Variants in UTY observed in about 807,000 individuals in gnomAD.
The protein encoded by UTY is ubiquitously transcribed tetratricopeptide repeat containing, Y-linked, also known as histone demethylase UTY.
A neutral mutation model predicts 32.5 loss-of-function variants in UTY; 12 were observed. The ratio of observed to expected loss-of-function variants is 0.37; its 90% CI spans 0.24 to 0.60. The LOEUF is 0.60. Among genes scored for constraint, UTY ranks in the 20% least tolerant of loss-of-function variants. UTY has a pLI of 0.69. For synonymous variants in UTY, 131 were observed against 103.4 expected (o/e 1.27, Z -1.62); for missense variants, 303 against 299.2 (o/e 1.01, Z -0.09).
chrY:13,425,547 A>G (rs2073137338), intron 4 of UTY, among the ~76,000 whole-genome samples: 1 of 34,150 alleles, frequency 2.9e-5, no homozygotes, highest in Non-Finnish European at 7.3e-5. Context: ...CACAATATGC[A>G]GTAAGGTCCA....
At chrY:13,347,844 G>A in intron 17 of UTY, among the ~76,000 whole-genome samples, 1 of 33,165 alleles carries the variant, frequency 3.0e-5, no homozygotes, top group Admixed American at 2.7e-4. Flanking sequence ...TCCAGTCTTT[G>A]ATTGTCCCGC....
chrY:13,380,061 GTA>G (rs1204552573), intron 8 of UTY, among the ~76,000 whole-genome samples: 21 of 3,624 alleles, frequency 5.8e-3, no homozygotes, highest in African/African-American at 0.015. Context: ...GTGTGTGTGT[GTA>G]TATATATATA....
chrY:13,385,415 T>C, intron 8 of UTY, among the ~76,000 whole-genome samples: 1 of 33,557 alleles, frequency 3.0e-5, no homozygotes, highest in Non-Finnish European at 7.4e-5. Flanking sequence ...CATATATTTG[T>C]AGTACGTACT....
At chrY:13,469,234 C>T (rs2150300100) in intron 3 of UTY, among the ~76,000 whole-genome samples, 1 of 23,637 alleles carries the variant, frequency 4.2e-5, no homozygotes, top group African/African-American at 1.7e-4. Flanking sequence ...TTTTTTGAGA[C>T]GGAGCCTTGC....
chrY:13,351,523 A>AT (rs2062391682), intron 17 of UTY, among the ~76,000 whole-genome samples: 3 of 30,637 alleles, frequency 9.8e-5, no homozygotes, highest in African/African-American at 3.8e-4. Flanking sequence ...AATTCTCAAT[A>AT]TTTTTTTTTT....
At chrY:13,372,400 T>C in intron 8 of UTY, among the ~76,000 whole-genome samples, 1 of 33,092 alleles carries the variant, frequency 3.0e-5, no homozygotes, top group African/African-American at 1.2e-4. Context: ...AATATCCACA[T>C]TGAAAATAAT....
intron 27 of UTY, among the ~76,000 whole-genome samples, chrY:13,273,499 C>T: frequency 6.0e-5 from 2 of 33,298 alleles, no homozygotes; most frequent in Non-Finnish European, 1.5e-4. Flanking sequence ...CTCATGAAAA[C>T]GAAAAGTCAC....
chrY:13,430,971 A>G (rs956138253), intron 4 of UTY, among the ~76,000 whole-genome samples: 2 of 31,810 alleles, frequency 6.3e-5, no homozygotes, highest in Admixed American at 5.8e-4. Context: ...CAGCCTAAAA[A>G]CATGGCTATT....
intron 26 of UTY, among the ~76,000 whole-genome samples, chrY:13,298,233 T>C: frequency 3.0e-5 from 1 of 33,432 alleles, no homozygotes; most frequent in Non-Finnish European, 7.4e-5. Context: ...ATGGTCTATT[T>C]CAGGTCTTTC....
chrY:13,391,401 C>T, intron 8 of UTY, among the ~76,000 whole-genome samples: 1 of 32,945 alleles, frequency 3.0e-5, no homozygotes, highest in African/African-American at 1.2e-4. Flanking sequence ...TTAGTTCCTC[C>T]GTATCACGTG....
chrY:13,332,519 C>CA (rs2060756753), intron 18 of UTY, among the ~76,000 whole-genome samples: 1 of 33,428 alleles, frequency 3.0e-5, no homozygotes, highest in Non-Finnish European at 7.4e-5. Flanking sequence ...TCAAGATATG[C>CA]AAAAAAGGCT....
chrY:13,380,059 G>GTA (rs2065925700), intron 8 of UTY, among the ~76,000 whole-genome samples: 3 of 7,294 alleles, frequency 4.1e-4, no homozygotes, highest in African/African-American at 3.4e-3. Context: ...GTGTGTGTGT[G>GTA]TGTATATATA....
intron 27 of UTY, among the ~76,000 whole-genome samples, chrY:13,281,927 T>C: frequency 9.0e-5 from 3 of 33,252 alleles, no homozygotes; most frequent in African/African-American, 3.5e-4. Context: ...CTGACATATA[T>C]TTACAGAACA....
intron 26 of UTY, among the ~76,000 whole-genome samples, chrY:13,298,374 C>A (rs2058179624): frequency 3.0e-5 from 1 of 33,198 alleles, no homozygotes. Flanking sequence ...TAAAGGGCTT[C>A]CTTTACAAAA....
chrY:13,337,551 C>T, intron 17 of UTY, among the ~76,000 whole-genome samples: 1 of 33,111 alleles, frequency 3.0e-5, no homozygotes, highest in African/African-American at 1.2e-4. Flanking sequence ...CCAAGACAAA[C>T]GAGGATTTAT....
intron 10 of UTY, among the ~76,000 whole-genome samples, chrY:13,364,125 T>A (rs2063809599): frequency 3.2e-5 from 1 of 30,945 alleles, no homozygotes; most frequent in Non-Finnish European, 7.7e-5. Flanking sequence ...AATATAAATA[T>A]GCTTTCCTTT....
intron 27 of UTY, among the ~76,000 whole-genome samples, chrY:13,276,099 T>A (rs2056661076): frequency 3.2e-5 from 1 of 31,686 alleles, no homozygotes; most frequent in Non-Finnish European, 7.6e-5. Context: ...AAGAAAAAAA[T>A]TGCTGGGCAT....
At chrY:13,276,467 T>C in intron 27 of UTY, among the ~76,000 whole-genome samples, 1 of 33,677 alleles carries the variant, frequency 3.0e-5, no homozygotes, top group Non-Finnish European at 7.4e-5. Flanking sequence ...CCCAGCACCT[T>C]GGGAAGCTGA....
chrY:13,411,561 C>G (rs904616917), intron 5 of UTY, among the ~76,000 whole-genome samples: 2 of 33,913 alleles, frequency 5.9e-5, no homozygotes, highest in Non-Finnish European at 7.3e-5. Context: ...ACAATCACAG[C>G]TCACTGCAGC....
Sources: allele counts gnomAD v4.1 joint callset (sites outside exome capture counted in the v4.1 genomes callset), GRCh38; gene constraint gnomAD v4.1.1; transcripts MANE v1.5; gene names NCBI Gene and HGNC (gene_info 2026-07-23, HGNC 2026-07-21).